The following RNF17 variants were observed in gnomAD, a reference collection of about 807,000 sequenced individuals.
The protein encoded by RNF17 is spermatogenesis associated 23.
In RNF17, 31 loss-of-function variants were observed where a neutral mutation model predicts 200.5. That is an observed-to-expected ratio of 0.15 (90% CI 0.12 to 0.21). RNF17 has a LOEUF of 0.21. Among genes scored for constraint, RNF17 ranks in the 10% least tolerant of loss-of-function variants. The pLI, the probability that RNF17 is intolerant of heterozygous loss-of-function variation, is 1.00. For missense variants in RNF17, 1,628 were observed against 1,905.1 expected, an observed-to-expected ratio of 0.85 and a Z score of 2.71; for synonymous variants, 606 against 637.8, an observed-to-expected ratio of 0.95 and a Z score of 0.75.
downstream of RNF17, chr13:24,883,447 A>C (rs1953924232): frequency 8.3e-7 from 1 of 1,203,564 alleles, no homozygotes; most frequent in East Asian, 2.6e-5. Context: ...ACTGAAAAGT[A>C]GCCTTTTGAG....
downstream of RNF17, among the ~76,000 whole-genome samples, chr13:24,881,815 T>A (rs116315306): frequency 0.016 from 1,106 of 69,792 alleles, 49 homozygotes; most frequent in East Asian, 0.11. Flanking sequence ...TAGATATCTA[T>A]CTATATAGAT....
At chr13:24,846,025 C>G (rs183609348) in intron 22 of RNF17, among the ~76,000 whole-genome samples, 26 of 152,274 alleles carry the variant, frequency 1.7e-4, no homozygotes, top group Non-Finnish European at 2.9e-5. Flanking sequence ...GCCAGGAGTT[C>G]AAGCCTGCAG....
intron 25 of RNF17, among the ~76,000 whole-genome samples, chr13:24,857,006 T>G (rs1480258135): frequency 1.3e-5 from 2 of 152,132 alleles, no homozygotes; most frequent in East Asian, 3.9e-4. Flanking sequence ...CCAAACCCCA[T>G]GGCTTTGGAA....
intron 18 of RNF17, among the ~76,000 whole-genome samples, chr13:24,834,192 A>AG (rs1447499271): frequency 2.6e-5 from 4 of 151,988 alleles, no homozygotes; most frequent in African/African-American, 7.2e-5. Flanking sequence ...GGATCACCTG[A>AG]GGTCAGGAGT....
At chr13:24,883,264 T>C (rs747918711), downstream of RNF17, 17 of 1,614,014 alleles carry the variant, frequency 1.1e-5, no homozygotes, top group Non-Finnish European at 1.4e-5. Context: ...GATGACCGTT[T>C]GCATATACGG....
At chr13:24,865,913 CTT>C (rs1352014234) in intron 29 of RNF17, among the ~76,000 whole-genome samples, 1 of 152,080 alleles carries the variant, frequency 6.6e-6, no homozygotes, top group African/African-American at 2.4e-5. Flanking sequence ...AACTCCCACT[CTT>C]ATAATAAATG....
intron 22 of RNF17, among the ~76,000 whole-genome samples, chr13:24,848,839 A>G (rs189635704): frequency 5.9e-5 from 9 of 152,194 alleles, no homozygotes; most frequent in Non-Finnish European, 1.0e-4. Flanking sequence ...ACTTATATTT[A>G]TATACCATCG....
chr13:24,774,955 A>G, intron 3 of RNF17, 51 bp downstream of exon 3: 1 of 1,180,384 alleles, frequency 8.5e-7, no homozygotes, highest in Non-Finnish European at 1.3e-6. Context: ...GTGTTACTGA[A>G]ATAGTTTTAG....
At chr13:24,855,724 G>T (rs543262277) in intron 25 of RNF17, among the ~76,000 whole-genome samples, 22 of 152,220 alleles carry the variant, frequency 1.4e-4, no homozygotes, top group African/African-American at 5.3e-4. Context: ...ACCAGTGCAT[G>T]AAGAGTCTTG....
At chr13:24,799,701 C>A in intron 12 of RNF17, 117 bp downstream of exon 12, 1 of 637,752 alleles carries the variant, frequency 1.6e-6, no homozygotes, top group Non-Finnish European at 2.7e-6. Flanking sequence ...TCTTAACTTC[C>A]AAGACATACG....
intron 3 of RNF17, among the ~76,000 whole-genome samples, chr13:24,776,922 A>G (rs984741343): frequency 1.3e-5 from 2 of 152,204 alleles, no homozygotes; most frequent in African/African-American, 4.8e-5. Flanking sequence ...TTATCTATAT[A>G]TGTATAATGT....
chr13:24,799,700 C>G (rs1429821928), intron 12 of RNF17, 116 bp downstream of exon 12: 21 of 636,796 alleles, frequency 3.3e-5, no homozygotes, highest in Non-Finnish European at 4.8e-5. Context: ...TTCTTAACTT[C>G]CAAGACATAC....
Position 24,830,576 on chromosome 13 carries a change from G to A in RNF17, c.2338G>A (p.Glu780Lys). 6.2e-7 allele frequency: 1 copy of A among 1,609,400 alleles called. No homozygotes were observed. The highest frequency in any genetic ancestry group is 8.5e-7 in the Non-Finnish European group (1 of 1,176,988). ...TIKDVRKIKDEFLNAPEKAIK... is the reference protein window; with the variant it reads ...TIKDVRKIKDKFLNAPEKAIK... ...CAAAGACGTGCGTAAAATAAAGGAT[G>A]AGTTTCTGAATGCCCCAGAGAAGGT... Residue 780 changes from glutamate to lysine, a missense_variant, in exon 17 of 36, where the codon GAG (glutamate) becomes AAG (lysine). This residue lies in a region of RNF17 where 227 missense variants were observed against 319.8 expected (regional missense o/e 0.71). Transcript: ENST00000255324.
chr13:24,781,751 G>T (rs1397019607), intron 5 of RNF17, 93 bp from the exon 6 acceptor site: 8 of 783,424 alleles, frequency 1.0e-5, no homozygotes, highest in Non-Finnish European at 1.6e-5. Context: ...ATTTTGAAGA[G>T]TCTAGAAAGT....
At chr13:24,777,996 T>G (rs1450883088) in intron 3 of RNF17, among the ~76,000 whole-genome samples, 1 of 152,174 alleles carries the variant, frequency 6.6e-6, no homozygotes, top group Non-Finnish European at 1.5e-5. Context: ...GCACAGTGGC[T>G]CACACCTATA....
chr13:24,792,359 C>A (rs1364873897), intron 9 of RNF17, among the ~76,000 whole-genome samples: 1 of 151,634 alleles, frequency 6.6e-6, no homozygotes, highest in East Asian at 1.9e-4. Flanking sequence ...TCAAACAGGT[C>A]AAGGACAATA....
At chr13:24,807,122 T>TA (rs1247598321) in intron 15 of RNF17, among the ~76,000 whole-genome samples, 1 of 151,828 alleles carries the variant, frequency 6.6e-6, no homozygotes, top group East Asian at 1.9e-4. Flanking sequence ...TGTGCATGTG[T>TA]CTTTATAGCA....
intron 19 of RNF17, among the ~76,000 whole-genome samples, chr13:24,843,093 C>T (rs1197800418): frequency 6.6e-6 from 1 of 152,132 alleles, no homozygotes; most frequent in Non-Finnish European, 1.5e-5. Context: ...CCTGCAGTGA[C>T]TCATACTAGT....
upstream of RNF17, among the ~76,000 whole-genome samples, chr13:24,759,548 A>G (rs995061856): frequency 2.6e-5 from 4 of 152,240 alleles, no homozygotes; most frequent in African/African-American, 9.6e-5. Flanking sequence ...GAGTTTCTAA[A>G]GCTATCACAA....
Sources: gnomAD v4.1 joint callset for allele counts (sites outside exome capture counted in the v4.1 genomes callset) on GRCh38, gnomAD v4.1.1 for gene constraint, gnomAD v4.1.1 regional missense constraint, MANE v1.5 for transcripts, NCBI Gene and HGNC (gene_info 2026-07-23, HGNC 2026-07-21) for gene names.